The following NRXN1 variants were observed in gnomAD, a reference collection of about 807,000 sequenced individuals.
The protein encoded by NRXN1 is neurexin 1.
In NRXN1, 39 loss-of-function variants were observed where a neutral mutation model predicts 150.9. That is an observed-to-expected ratio of 0.26 (90% CI 0.20 to 0.34). The LOEUF is 0.34. Ranked by LOEUF, NRXN1 falls within the 10% of genes least tolerant of loss-of-function variation. The pLI, the probability that NRXN1 is intolerant of heterozygous loss-of-function variation, is 1.00. For synonymous variants in NRXN1, 924 were observed against 757.0 expected, an observed-to-expected ratio of 1.22 and a Z score of -3.62; for missense variants, 1,815 against 1,949.9, an observed-to-expected ratio of 0.93 and a Z score of 1.30.
intron 19 of NRXN1, among the ~76,000 whole-genome samples, chr2:50,089,062 A>T (rs145495147): frequency 5.3e-5 from 8 of 152,366 alleles, no homozygotes; most frequent in Middle Eastern, 3.4e-3. Context: ...GCATATTAAT[A>T]AAGTCCAAGT....
chr2:50,570,395 C>T (rs2105453335), intron 8 of NRXN1, among the ~76,000 whole-genome samples: 1 of 152,278 alleles, frequency 6.6e-6, no homozygotes, highest in South Asian at 2.1e-4. Context: ...TTATTAATTG[C>T]TATTAGTAAT....
At chr2:50,776,953 A>G (rs558111513) in intron 5 of NRXN1, among the ~76,000 whole-genome samples, 4 of 152,298 alleles carry the variant, frequency 2.6e-5, no homozygotes, top group African/African-American at 9.6e-5. Context: ...ACGTAAGTAC[A>G]TGCTGAAATC....
Position 49,939,054 on chromosome 2 carries a change from G to A in NRXN1, c.4216+4650C>T, listed in dbSNP as rs958451341. Among the ~76,000 whole-genome samples the A allele has an allele frequency of 2.0e-5, 3 of 152,226 alleles. No homozygotes were observed. The South Asian group carries it at 6.2e-4, about 32-fold the overall frequency. On this transcript the variant is annotated intron_variant, in intron 22 of 22. Transcript: ENST00000401669. ...TATTTGTGTGAAAAACAAAGTCTTG[G>A]AAAATATGTGCGTGTGTGTATAAAA...
intron 5 of NRXN1, among the ~76,000 whole-genome samples, chr2:50,660,136 C>T (rs553449166): frequency 7.2e-5 from 11 of 152,104 alleles, no homozygotes; most frequent in African/African-American, 2.4e-4. Context: ...CTTACTGTGC[C>T]AGACATTATA....
chr2:50,484,304 G>A (rs995089169), intron 15 of NRXN1, among the ~76,000 whole-genome samples: 16 of 152,022 alleles, frequency 1.1e-4, no homozygotes, highest in Admixed American at 5.2e-4. Context: ...TTCTGTGCTC[G>A]AAAGATGGAA....
chr2:50,633,449 T>A (rs1368103788), intron 5 of NRXN1, among the ~76,000 whole-genome samples: 2 of 152,096 alleles, frequency 1.3e-5, no homozygotes, highest in Non-Finnish European at 2.9e-5. Context: ...GGAAGAAATG[T>A]ACTTTTGTAA....
chr2:50,767,916 G>C (rs1702558941), intron 5 of NRXN1, among the ~76,000 whole-genome samples: 1 of 152,144 alleles, frequency 6.6e-6, no homozygotes, highest in South Asian at 2.1e-4. Flanking sequence ...GCATATAGCT[G>C]TACGCTAAAA....
chr2:50,689,754 TA>T, intron 5 of NRXN1, among the ~76,000 whole-genome samples: 1 of 152,258 alleles, frequency 6.6e-6, no homozygotes, highest in African/African-American at 2.4e-5. Flanking sequence ...CTGCTTTGTC[TA>T]AAAAAGGAGT....
intron 21 of NRXN1, among the ~76,000 whole-genome samples, chr2:50,026,682 A>G (rs868552680): frequency 1.3e-5 from 2 of 152,062 alleles, no homozygotes; most frequent in Middle Eastern, 3.4e-3. Flanking sequence ...TGAAGTTTTA[A>G]TATTTTTATC....
chr2:50,834,396 T>A (rs1378492825), intron 5 of NRXN1, among the ~76,000 whole-genome samples: 2 of 152,150 alleles, frequency 1.3e-5, no homozygotes, highest in East Asian at 1.9e-4. Context: ...TTGAAGGATG[T>A]GGTGCTCAGT....
chr2:50,421,301 G>A (rs1028684429), intron 17 of NRXN1, among the ~76,000 whole-genome samples: 9 of 152,024 alleles, frequency 5.9e-5, no homozygotes, highest in Non-Finnish European at 1.2e-4. Context: ...GCATCGGTAA[G>A]GATATAATTT....
At chr2:49,930,249 A>G (rs1669883750) in intron 22 of NRXN1, among the ~76,000 whole-genome samples, 1 of 152,222 alleles carries the variant, frequency 6.6e-6, no homozygotes, top group Admixed American at 6.5e-5. Flanking sequence ...TAAAAAGATG[A>G]GCGTATTTAA....
In NRXN1 at chr2:50,310,798, A is replaced by C. The variant is rs2075110949; in HGVS notation, c.3365-73828T>G. On this transcript the variant is annotated intron_variant, in intron 17 of 22. Transcript: ENST00000401669. ...TATATATACTGATTCAACAGAGGAG[A>C]AAATATTCGTGAAGACGAGATTAAC... 2.0e-5 allele frequency among the ~76,000 whole-genome samples: 3 copies of C among 152,132 alleles called. No homozygotes were observed. The South Asian group carries it at 6.2e-4, about 31-fold the overall frequency.
At chr2:50,739,321 T>G (rs970238919) in intron 5 of NRXN1, 9 of 450,390 alleles carry the variant, frequency 2.0e-5, no homozygotes, top group Non-Finnish European at 3.2e-5. Context: ...TTATGCAATG[T>G]GACTGAAAAC....
intron 17 of NRXN1, among the ~76,000 whole-genome samples, chr2:50,258,001 T>C (rs529772836): frequency 6.6e-6 from 1 of 152,176 alleles, no homozygotes; most frequent in East Asian, 1.9e-4. Flanking sequence ...TATAACTTAA[T>C]TAAAAAATAC....
At chr2:50,114,950 T>C (rs1013276127) in intron 18 of NRXN1, among the ~76,000 whole-genome samples, 4 of 151,906 alleles carry the variant, frequency 2.6e-5, no homozygotes, top group Admixed American at 1.3e-4. Flanking sequence ...CTAGTCATTA[T>C]ACATTTGCCA....
chr2:50,100,717 T>C lies in NRXN1; in HGVS notation c.3547-9223A>G, dbSNP rs181571779. ...AGCTGTAGAATAAAATAAAGCTACCTTAGCCTCTTGTGAATCAGAGTCATC... is the reference window on the plus strand; with the variant it reads ...AGCTGTAGAATAAAATAAAGCTACCCTAGCCTCTTGTGAATCAGAGTCATC... On this transcript the variant is annotated intron_variant, in intron 18 of 22. Coordinates refer to ENST00000401669, the MANE Select transcript of NRXN1 (RefSeq NM_001330078.2). 8.5e-5 allele frequency among the ~76,000 whole-genome samples: 13 copies of C among 152,214 alleles called. 1 individual carries two copies. Among genetic ancestry groups the C allele is most frequent in the Admixed American group, 7.2e-4 (11 of 15,282 alleles).
chr2:50,917,078 G>A (rs944058552), intron 5 of NRXN1: 1 of 151,538 alleles, frequency 6.6e-6, no homozygotes, highest in African/African-American at 2.4e-5. Flanking sequence ...GTCTTCCCAC[G>A]GTCTGCGGCT....
At chr2:50,139,489 A>C (rs1282001856) in intron 18 of NRXN1, among the ~76,000 whole-genome samples, 1 of 152,198 alleles carries the variant, frequency 6.6e-6, no homozygotes, top group East Asian at 1.9e-4. Context: ...CTTTTGCTAG[A>C]TAAAGTTAGG....
Sources: gnomAD v4.1 joint callset for allele counts (sites outside exome capture counted in the v4.1 genomes callset) on GRCh38, gnomAD v4.1.1 for gene constraint, MANE v1.5 for transcripts, NCBI Gene and HGNC (gene_info 2026-07-23, HGNC 2026-07-21) for gene names.